The following ZNF705G variants were observed in gnomAD, a reference collection of about 807,000 sequenced individuals.
ZNF705G encodes the protein putative zinc finger protein 705G.
Under a neutral mutation model 19.6 loss-of-function variants are expected in ZNF705G, and 23 were observed. The observed-to-expected ratio is 1.17, with a 90% CI of 0.84 to 1.66. The LOEUF is 1.66. Ranked by LOEUF, ZNF705G falls within the 40% of genes most tolerant of loss-of-function variation. The pLI, the probability that ZNF705G is intolerant of heterozygous loss-of-function variation, is 0.00. For missense variants in ZNF705G, 457 were observed against 354.4 expected (o/e 1.29, Z -2.32); for synonymous variants, 146 against 117.7 (o/e 1.24, Z -1.56).
intron 2 of ZNF705G, among the ~76,000 whole-genome samples, chr8:7,379,267 A>G (rs1182487894): frequency 6.8e-6 from 1 of 147,574 alleles, no homozygotes; most frequent in Non-Finnish European, 1.5e-5. Flanking sequence ...TATTCCAACC[A>G]ACTCAACCCT....
chr8:7,384,072 C>T (rs1202616232), intron 1 of ZNF705G, among the ~76,000 whole-genome samples: 1 of 129,380 alleles, frequency 7.7e-6, no homozygotes, highest in African/African-American at 3.7e-5. Context: ...AGAAATCAGC[C>T]AAGCTCTGAT....
In ZNF705G at chr8:7,357,788, C is replaced by G; in HGVS notation, c.*188G>C. The stretch of plus-strand genomic sequence containing the variant: ...GATGCTACAACTACAGCTGAAGTCT[C>G]TTCCACATTCCTTACCTTTGTCATT... On this transcript the variant is annotated 3_prime_UTR_variant, in exon 7 of 7. Coordinates refer to ENST00000400156, the MANE Select transcript of ZNF705G (RefSeq NM_001164457.3). 2 of 953,596 alleles carry G rather than the reference C, an allele frequency of 2.1e-6. No homozygotes were observed. The highest frequency in any genetic ancestry group is 3.6e-5 in the South Asian group (2 of 55,020). 59.1% of individuals were successfully genotyped at this position (953,596 alleles called of 1,614,324 possible). A position where few individuals can be genotyped will look rare whatever the true frequency, so the allele number is the denominator to read the frequency against.
intron 5 of ZNF705G, 117 bp from the exon 6 acceptor site, chr8:7,359,818 C>G: frequency 2.0e-6 from 3 of 1,465,600 alleles, no homozygotes; most frequent in Non-Finnish European, 2.8e-6. Flanking sequence ...GCAAGTGTGT[C>G]AAATGAAGAA....
chr8:7,380,749 C>G (rs1421035701), intron 2 of ZNF705G, among the ~76,000 whole-genome samples: 3 of 146,714 alleles, frequency 2.0e-5, no homozygotes, highest in Non-Finnish European at 2.9e-5. Context: ...AGAAAGCCAC[C>G]TGACTCACGC....
At chr8:7,368,421 A>G (rs1249305495) in intron 2 of ZNF705G, among the ~76,000 whole-genome samples, 1 of 149,612 alleles carries the variant, frequency 6.7e-6, no homozygotes, top group Non-Finnish European at 1.5e-5. Context: ...ATATTCTAAA[A>G]TTCTTTGGAG....
chr8:7,368,567 C>G (rs1260679024), intron 2 of ZNF705G, among the ~76,000 whole-genome samples: 1 of 149,662 alleles, frequency 6.7e-6, no homozygotes, highest in Non-Finnish European at 1.5e-5. Flanking sequence ...ACTTGTAAGA[C>G]CACTGGTATT....
intron 2 of ZNF705G, among the ~76,000 whole-genome samples, chr8:7,365,767 T>C (rs1443521056): frequency 5.3e-5 from 8 of 149,624 alleles, no homozygotes; most frequent in Admixed American, 5.3e-4. Context: ...GGCCGACTTG[T>C]GACTTCCTAG....
chr8:7,383,942 G>C (rs1313729419), intron 1 of ZNF705G, among the ~76,000 whole-genome samples: 10 of 141,222 alleles, frequency 7.1e-5, no homozygotes, highest in African/African-American at 2.7e-4. Flanking sequence ...AGGAAGGAAG[G>C]CAGGGAGGAA....
At position 7,359,614 on chromosome 8, in the gene ZNF705G, C is replaced by T. The variant is rs758047827; in HGVS notation, c.318+5G>A. ...ATGACTGGTGTACACAGCTATAAAA[C>T]TTACCATTGTCATACTGGTGGATGC... On this transcript the variant is annotated splice_donor_5th_base_variant and intron_variant, in intron 6 of 6. Transcript: ENST00000400156. 1 of 1,606,344 alleles carries T rather than the reference C, an allele frequency of 6.2e-7. No homozygotes were observed. Among genetic ancestry groups the T allele is most frequent in the South Asian group, 1.1e-5 (1 of 90,606 alleles).
Position 7,357,721 on chromosome 8 carries a change from A to T in ZNF705G, c.*255T>A. ...GGTAACTGAAGTATCTTCCATGTTG[A>T]TTACAGTATTTCTTCAAAATGTGAG... is the stretch of plus-strand genomic sequence containing the variant. On this transcript the variant is annotated 3_prime_UTR_variant, in exon 7 of 7. Coordinates refer to ENST00000400156, the MANE Select transcript of ZNF705G (RefSeq NM_001164457.3). 2 of 655,588 alleles carry T rather than the reference A, an allele frequency of 3.1e-6. No individual in the cohort carries two copies. The highest frequency in any genetic ancestry group is 4.2e-5 in the South Asian group (2 of 47,538). The allele number at this position is 655,588 out of a possible 1,614,324, so 40.6% of individuals were successfully genotyped here.
intron 6 of ZNF705G, among the ~76,000 whole-genome samples, chr8:7,359,112 T>C (rs1257199696): frequency 6.7e-6 from 1 of 149,658 alleles, no homozygotes; most frequent in African/African-American, 2.6e-5. Flanking sequence ...ACCCACCTTT[T>C]ACATGAAAAT....
intron 2 of ZNF705G, among the ~76,000 whole-genome samples, chr8:7,370,317 A>C (rs1470599663): frequency 3.4e-5 from 5 of 149,040 alleles, no homozygotes; most frequent in African/African-American, 1.3e-4. Context: ...TTCCCAGAAG[A>C]ACAGATACAA....
At chr8:7,382,292 C>G (rs1026554222) in intron 1 of ZNF705G, among the ~76,000 whole-genome samples, 1 of 148,038 alleles carries the variant, frequency 6.8e-6, no homozygotes, top group Non-Finnish European at 1.5e-5. Context: ...AATGTTCCAT[C>G]TATGGACTCA....
intron 2 of ZNF705G, among the ~76,000 whole-genome samples, chr8:7,363,628 C>G (rs1585413221): frequency 6.7e-6 from 1 of 149,534 alleles, no homozygotes; most frequent in East Asian, 1.9e-4. Flanking sequence ...CGAGACTAGC[C>G]TGGCCAACAT....
intron 2 of ZNF705G, among the ~76,000 whole-genome samples, chr8:7,380,171 G>A (rs1260537705): frequency 7.0e-6 from 1 of 142,484 alleles, no homozygotes; most frequent in Non-Finnish European, 1.5e-5. Flanking sequence ...GACACTGACA[G>A]CAATCCTGGC....
chr8:7,358,408 C>T lies in ZNF705G; in HGVS notation c.471G>A (p.Leu157=). The stretch of plus-strand genomic sequence containing the variant: ...GAATTTGTTTATGTGGTTCAGTGGA[C>T]AAAAGATTACGAAGGGATTTTCCAC... ...KQCGKSLRNL[L]STEPHKQIHT... is the part of the protein sequence containing the mutation. Residue 157 remains leucine, a synonymous_variant, in exon 7 of 7, where the codon TTG becomes TTA. Coordinates refer to ENST00000400156, the MANE Select transcript of ZNF705G (RefSeq NM_001164457.3). 1.2e-6 allele frequency: 2 copies of T among 1,607,572 alleles called. No homozygotes were observed. Among genetic ancestry groups the T allele is most frequent in the Non-Finnish European group, 1.7e-6 (2 of 1,179,580 alleles).
At chr8:7,378,959 A>G (rs1482898038) in intron 2 of ZNF705G, among the ~76,000 whole-genome samples, 1 of 148,920 alleles carries the variant, frequency 6.7e-6, no homozygotes, top group African/African-American at 2.6e-5. Context: ...TCTGCCTACA[A>G]CAGCCACTGA....
Position 7,360,298 on chromosome 8 carries a change from C to T in ZNF705G, c.174G>A (p.Gln58=). Reference sequence around the variant, plus strand: ...TCCACAGCTCTTTTCCTTGCTCCAGCTGCAAAATTATATAGGATTTGCTTA... The same window carrying T: ...TCCACAGCTCTTTTCCTTGCTCCAGTTGCAAAATTATATAGGATTTGCTTA... The part of the protein sequence containing the change: ...YQISKSYIIL[Q]LEQGKELWRE... The change falls in exon 5 of 7, where the codon CAG becomes CAA. Residue 58 remains glutamine (Q), a synonymous_variant. Coordinates refer to ENST00000400156, the MANE Select transcript of ZNF705G (RefSeq NM_001164457.3). 2 of 1,590,906 alleles carry T rather than the reference C, an allele frequency of 1.3e-6. No individual in the cohort carries two copies. Among genetic ancestry groups the T allele is most frequent in the African/African-American group, 1.4e-5 (1 of 69,816 alleles).
chr8:7,359,444 G>T (rs1394750041), intron 6 of ZNF705G, among the ~76,000 whole-genome samples, 175 bp downstream of exon 6: 1 of 149,194 alleles, frequency 6.7e-6, no homozygotes, highest in Non-Finnish European at 1.5e-5. Context: ...TCATGTTATG[G>T]TTTAGAACAC....
Sources: allele counts gnomAD v4.1 joint callset (sites outside exome capture counted in the v4.1 genomes callset), GRCh38; gene constraint gnomAD v4.1.1; transcripts MANE v1.5; gene names NCBI Gene and HGNC (gene_info 2026-07-23, HGNC 2026-07-21).